The following CTNND2 variants were observed in gnomAD, a reference collection of about 807,000 sequenced individuals.
CTNND2 encodes catenin delta-2.
CTNND2 carries 22 observed loss-of-function variants against 144.4 expected under a neutral mutation model. The observed-to-expected ratio is 0.15, with a 90% CI of 0.11 to 0.22. CTNND2 has a LOEUF of 0.22. Ranked by LOEUF, CTNND2 falls within the 10% of genes least tolerant of loss-of-function variation. The pLI is 1.00. For synonymous variants in CTNND2, 751 were observed against 695.6 expected (o/e 1.08, Z -1.25); for missense variants, 1,353 against 1,618.8 (o/e 0.84, Z 2.82).
At chr5:10,994,447 A>G (rs1444413965) in intron 18 of CTNND2, among the ~76,000 whole-genome samples, 1 of 19,802 alleles carries the variant, frequency 5.0e-5, no homozygotes, top group African/African-American at 2.2e-4. Context: ...GGGAAAGAGG[A>G]GCGGGGGCCG....
At chr5:11,056,140 T>A (rs866448030) in intron 16 of CTNND2, among the ~76,000 whole-genome samples, 32 of 152,222 alleles carry the variant, frequency 2.1e-4, no homozygotes, top group African/African-American at 6.8e-4. Flanking sequence ...AAATTAGAAG[T>A]TTAAACAATG....
chr5:11,847,901 T>A lies in CTNND2; in HGVS notation c.37+55916A>T, dbSNP rs56389862. On this transcript the variant is annotated intron_variant, in intron 1 of 21. Coordinates refer to ENST00000304623, the MANE Select transcript of CTNND2 (RefSeq NM_001332.4). ...TTTCATTAATGAATTACTTGTGAATTACATTGTCAAGTGTCAAATAGAAAA... is the reference window on the plus strand; with the variant it reads ...TTTCATTAATGAATTACTTGTGAATAACATTGTCAAGTGTCAAATAGAAAA... 7.9e-3 allele frequency among the ~76,000 whole-genome samples: 1,205 copies of A among 152,252 alleles called. 12 individuals are homozygous for A. The highest frequency in any genetic ancestry group is 0.027 in the African/African-American group (1,130 of 41,566).
At chr5:11,626,596 A>G (rs1376467983) in intron 2 of CTNND2, among the ~76,000 whole-genome samples, 1 of 151,900 alleles carries the variant, frequency 6.6e-6, no homozygotes, top group African/African-American at 2.4e-5. Flanking sequence ...TTTGCTAGAC[A>G]CTCTGACTTT....
chr5:11,694,231 C>T (rs541893351), intron 2 of CTNND2, among the ~76,000 whole-genome samples: 3,183 of 151,958 alleles, frequency 0.021, 107 homozygotes, highest in African/African-American at 0.072. Context: ...GTCAGGAGAT[C>T]AAGACCATCC....
intron 3 of CTNND2, among the ~76,000 whole-genome samples, chr5:11,428,062 A>G (rs1379526249): frequency 6.6e-6 from 1 of 152,156 alleles, no homozygotes; most frequent in African/African-American, 2.4e-5. Flanking sequence ...CTCACTCACC[A>G]CCACGAGAAC....
chr5:11,412,407 A>G (rs1161124364), intron 3 of CTNND2, among the ~76,000 whole-genome samples: 3 of 152,164 alleles, frequency 2.0e-5, no homozygotes, highest in East Asian at 1.9e-4. Context: ...TTATTTTAGA[A>G]TAGGATCATG....
intron 9 of CTNND2, among the ~76,000 whole-genome samples, chr5:11,314,236 T>C (rs980966543): frequency 6.6e-6 from 1 of 152,212 alleles, no homozygotes; most frequent in African/African-American, 2.4e-5. Flanking sequence ...CCTGACTTTC[T>C]GATTCCTGCT....
At chr5:11,565,186 A>G in intron 2 of CTNND2, 130 bp from the exon 3 acceptor site, 1 of 688,452 alleles carries the variant, frequency 1.5e-6, no homozygotes, top group South Asian at 1.8e-5. Context: ...AATGTGCAAT[A>G]AAACTAGGAT....
At chr5:11,812,503 C>T (rs1050713615) in intron 1 of CTNND2, among the ~76,000 whole-genome samples, 1 of 152,056 alleles carries the variant, frequency 6.6e-6, no homozygotes, top group Non-Finnish European at 1.5e-5. Flanking sequence ...CTTTTCTATC[C>T]CATTTGTTAA....
intron 10 of CTNND2, among the ~76,000 whole-genome samples, chr5:11,213,439 A>G (rs1304571845): frequency 6.6e-6 from 1 of 152,186 alleles, no homozygotes; most frequent in Non-Finnish European, 1.5e-5. Flanking sequence ...GAAAGCTGTT[A>G]CCAGGGAAAT....
rs962586323 is a variant in CTNND2, at chr5:11,384,600, G to A, written c.1177+65C>T. On this transcript the variant is annotated intron_variant, in intron 7 of 21. Transcript: ENST00000304623. This position sits in a 1 kb window ranked among gnomAD's most constrained non-coding sequence, Gnocchi z 5.2. ...CCGGCTTCGCTTCTGCTCAAGCCGG[G>A]CTGCTGCTTCCGCGTCCCCGCCACG... is the stretch of plus-strand genomic sequence containing the variant. 7.5e-6 allele frequency: 11 copies of A among 1,475,632 alleles called. No homozygotes were observed. In the South Asian group the frequency reaches 1.2e-4, roughly 16 times the overall value. 91.4% of individuals were successfully genotyped at this position (1,475,632 alleles called of 1,614,324 possible).
At chr5:11,086,016 T>C (rs531130218) in intron 15 of CTNND2, among the ~76,000 whole-genome samples, 1 of 152,164 alleles carries the variant, frequency 6.6e-6, no homozygotes, top group South Asian at 2.1e-4. Flanking sequence ...GGAGGATTCG[T>C]GTAGCCCCAG....
chr5:11,155,698 C>T (rs1225204864), intron 12 of CTNND2, among the ~76,000 whole-genome samples: 1 of 152,140 alleles, frequency 6.6e-6, no homozygotes, highest in East Asian at 1.9e-4. Flanking sequence ...CAACTCAGGC[C>T]TCCAACAAAA....
intron 2 of CTNND2, among the ~76,000 whole-genome samples, chr5:11,589,892 T>C (rs1489437085): frequency 6.6e-6 from 1 of 152,208 alleles, no homozygotes; most frequent in Non-Finnish European, 1.5e-5. Flanking sequence ...AGAAGTACTT[T>C]CTTCAATTCT....
intron 10 of CTNND2, among the ~76,000 whole-genome samples, chr5:11,235,317 A>T (rs374020145): frequency 2.0e-4 from 30 of 152,218 alleles, no homozygotes; most frequent in African/African-American, 7.0e-4. Flanking sequence ...TGATGATGGT[A>T]TGTGATCCCC....
At chr5:11,886,975 C>CTT (rs36178842) in intron 1 of CTNND2, among the ~76,000 whole-genome samples, 862 of 83,596 alleles carry the variant, frequency 0.01, 183 homozygotes, top group African/African-American at 0.019. Context: ...TATCCTACTG[C>CTT]TTTTTTTTTT....
intron 1 of CTNND2, among the ~76,000 whole-genome samples, chr5:11,757,111 C>T (rs1353846792): frequency 6.6e-6 from 1 of 151,610 alleles, no homozygotes; most frequent in African/African-American, 2.4e-5. Context: ...TTTCCCCTAT[C>T]AATTTACATA....
At position 11,240,897 on chromosome 5, in the gene CTNND2, A is replaced by G. The variant is rs1742341860; in HGVS notation, c.1629-4074T>C. Among the ~76,000 whole-genome samples, 13 of 145,110 alleles carry G rather than the reference A, an allele frequency of 9.0e-5. No individual in the cohort carries two copies. In the Admixed American group the frequency reaches 9.0e-4, roughly 10 times the overall value. ...ACCCCAACCCACACACACCCAAAAC[A>G]CATACACTCAGCACACACATCCCCA... is the stretch of plus-strand genomic sequence containing the variant. On this transcript the variant is annotated intron_variant, in intron 9 of 21. Transcript: ENST00000304623.
rs956337321 is a variant in CTNND2 at position 11,614,176 on chromosome 5, T to G, written c.175-49120A>C. Among the ~76,000 whole-genome samples, 6 of 152,356 alleles carry G rather than the reference T, an allele frequency of 3.9e-5. No individual in the cohort carries two copies. The South Asian group carries it at 8.3e-4, about 21-fold the overall frequency. ...AGTACAATTATGCTTCTGGTTTATC[T>G]GCATGCCCTTTACATTTTCAGTTAA... On this transcript the variant is annotated intron_variant, in intron 2 of 21. Transcript: ENST00000304623.
Sources: allele counts gnomAD v4.1 joint callset (sites outside exome capture counted in the v4.1 genomes callset), GRCh38; gene constraint gnomAD v4.1.1; non-coding constraint Gnocchi (gnomAD v3.1); transcripts MANE v1.5; gene names NCBI Gene and HGNC (gene_info 2026-07-23, HGNC 2026-07-21).